The following NHSL1 variants were observed in gnomAD, a reference collection of about 807,000 sequenced individuals.
The protein encoded by NHSL1 is NHS like 1, also known as NHS-like protein 1.
NHSL1 carries 48 observed loss-of-function variants against 95.0 expected under a neutral mutation model. That is an observed-to-expected ratio of 0.51 (90% CI 0.40 to 0.64). NHSL1 has a LOEUF of 0.64. Ranked by LOEUF, NHSL1 falls within the 30% of genes least tolerant of loss-of-function variation. The pLI, the probability that NHSL1 is intolerant of heterozygous loss-of-function variation, is 0.00. For synonymous variants in NHSL1, 783 were observed against 833.9 expected, an observed-to-expected ratio of 0.94 and a Z score of 1.05; for missense variants, 1,971 against 2,077.7, an observed-to-expected ratio of 0.95 and a Z score of 1.00.
At chr6:138,544,983 C>CTTTTTT (rs35979187) in intron 1 of NHSL1, among the ~76,000 whole-genome samples, 1,861 of 83,224 alleles carry the variant, frequency 0.022, 1 homozygote, top group East Asian at 0.041. Flanking sequence ...TCTTTCTTTT[C>CTTTTTT]TTTTTTTTTT....
intron 1 of NHSL1, among the ~76,000 whole-genome samples, chr6:138,685,343 C>T (rs1785572122): frequency 6.6e-6 from 1 of 152,150 alleles, no homozygotes; most frequent in African/African-American, 2.4e-5. Context: ...AAATAACTCT[C>T]CTAGAAATCT....
At chr6:138,562,369 A>G (rs1368021165) in intron 1 of NHSL1, among the ~76,000 whole-genome samples, 4 of 152,184 alleles carry the variant, frequency 2.6e-5, no homozygotes, top group Non-Finnish European at 4.4e-5. Context: ...TAACATGGCC[A>G]GGTGTGATCG....
chr6:138,448,634 A>G (rs1022540417), intron 3 of NHSL1, among the ~76,000 whole-genome samples: 3 of 152,110 alleles, frequency 2.0e-5, no homozygotes, highest in Non-Finnish European at 4.4e-5. Context: ...TTTGTGACCT[A>G]TTTATTTCAC....
intron 1 of NHSL1, among the ~76,000 whole-genome samples, chr6:138,519,359 G>T (rs909178032): frequency 2.0e-5 from 3 of 151,934 alleles, no homozygotes; most frequent in Non-Finnish European, 4.4e-5. Flanking sequence ...AAAACAAATG[G>T]AATTTTTATG....
At chr6:138,612,720 T>C (rs1262056774) in intron 1 of NHSL1, among the ~76,000 whole-genome samples, 1 of 152,232 alleles carries the variant, frequency 6.6e-6, no homozygotes, top group African/African-American at 2.4e-5. Context: ...TCTTCCCTTT[T>C]AACTAACCTG....
chr6:138,624,562 C>T (rs1784710839), intron 1 of NHSL1, among the ~76,000 whole-genome samples: 1 of 152,108 alleles, frequency 6.6e-6, no homozygotes, highest in Non-Finnish European at 1.5e-5. Flanking sequence ...ATCATGTAAT[C>T]TCAAGGCAGA....
intron 1 of NHSL1, among the ~76,000 whole-genome samples, chr6:138,654,156 A>G (rs569845869): frequency 6.6e-6 from 1 of 152,378 alleles, no homozygotes; most frequent in African/African-American, 2.4e-5. Context: ...CACTAACTGC[A>G]TATCTAAGAG....
chr6:138,571,684 T>C, intron 1 of NHSL1: 2 of 1,547,742 alleles, frequency 1.3e-6, no homozygotes, highest in Non-Finnish European at 1.7e-6. Context: ...TTTTCAAATG[T>C]TTAAATTTTT....
At position 138,433,083 on chromosome 6, in the gene NHSL1, G is replaced by C; in HGVS notation, c.1262C>G (p.Ser421Cys). 1.9e-6 allele frequency: 3 copies of C among 1,551,152 alleles called. 1 individual carries two copies. The South Asian group carries it at 3.6e-5, about 18-fold the overall frequency. ...SIIPNATLSS[S>C]SEVIAIPTAQ... ...AGTGGGAATAGCGATGACCTCGGAAGAGGAAGACAGTGTGGCATTTGGGAT... is the reference window on the plus strand; with the variant it reads ...AGTGGGAATAGCGATGACCTCGGAACAGGAAGACAGTGTGGCATTTGGGAT... Residue 421 changes from serine (S) to cysteine (C), a missense_variant, in exon 6 of 8, where the codon TCT (serine) becomes TGT (cysteine). Ser to Cys is a moderately radical substitution (Grantham distance 112). This residue lies in a region of NHSL1 where 1,602 missense variants were observed against 1,654.5 expected (regional missense o/e 0.97). Transcript: ENST00000343505.
intron 1 of NHSL1, among the ~76,000 whole-genome samples, chr6:138,669,337 T>C (rs775797830): frequency 6.6e-6 from 1 of 151,992 alleles, no homozygotes; most frequent in Non-Finnish European, 1.5e-5. Context: ...AGAATAAAGG[T>C]TGAGCCATAA....
chr6:138,489,892 G>C lies in NHSL1; in HGVS notation c.211+6327C>G, dbSNP rs1380270551. Among the ~76,000 whole-genome samples the C allele has an allele frequency of 7.1e-4, 63 of 88,840 alleles. 1 individual carries two copies. Among genetic ancestry groups the C allele is most frequent in the African/African-American group, 2.8e-3 (59 of 21,146 alleles). 58.3% of individuals were successfully genotyped at this position (88,840 alleles called of 152,430 possible). A position where few individuals can be genotyped will look rare whatever the true frequency, so the allele number is the denominator to read the frequency against. On this transcript the variant is annotated intron_variant, in intron 2 of 7. Coordinates refer to ENST00000343505, the MANE Select transcript of NHSL1 (RefSeq NM_001144060.2). ...AGAGAGGGAGAGAGGGAGAGAGGGA[G>C]AGAGGGAGAGAGCGAGAGGGGGAGA... is the stretch of plus-strand genomic sequence containing the variant.
intron 1 of NHSL1, among the ~76,000 whole-genome samples, chr6:138,541,708 G>A (rs1008507057): frequency 2.8e-4 from 43 of 152,112 alleles, no homozygotes; most frequent in Non-Finnish European, 8.8e-5. Flanking sequence ...CCTTCTCAGC[G>A]GGATAAAAGT....
intron 1 of NHSL1, among the ~76,000 whole-genome samples, chr6:138,605,375 G>A (rs7752659): frequency 0.04 from 6,095 of 152,170 alleles, 387 homozygotes; most frequent in African/African-American, 0.14. Flanking sequence ...ACAGGCGTGC[G>A]CCAACAGGCC....
chr6:138,460,472 G>T (rs953007086), intron 3 of NHSL1, among the ~76,000 whole-genome samples: 1 of 151,936 alleles, frequency 6.6e-6, no homozygotes, highest in Non-Finnish European at 1.5e-5. Context: ...TATATATACA[G>T]ACATTTTTTG....
In NHSL1 at chr6:138,433,647, T is replaced by C; in HGVS notation, c.698A>G (p.His233Arg). ...GTAGTGATCAGGGGTGTACACTGAGTGGCCATCAGCATCATCTTGGCCAGT... is the reference window on the plus strand; with the variant it reads ...GTAGTGATCAGGGGTGTACACTGAGCGGCCATCAGCATCATCTTGGCCAGT... ...SGTGQDDADG[H>R]SVYTPDHYST... The change falls in exon 6 of 8, where the codon CAC (histidine) becomes CGC (arginine). Residue 233 changes from histidine to arginine, a missense_variant. His to Arg is a conservative substitution (Grantham distance 29). This residue lies in a region of NHSL1 where 1,602 missense variants were observed against 1,654.5 expected (regional missense o/e 0.97). Transcript: ENST00000343505. 6.5e-7 allele frequency: 1 copy of C among 1,545,994 alleles called. No individual in the cohort carries two copies. Among genetic ancestry groups the C allele is most frequent in the Non-Finnish European group, 8.8e-7 (1 of 1,142,366 alleles).
chr6:138,688,953 G>A (rs1207229692), intron 1 of NHSL1, among the ~76,000 whole-genome samples: 1 of 152,212 alleles, frequency 6.6e-6, no homozygotes, highest in South Asian at 2.1e-4. Flanking sequence ...TTTTAGTATT[G>A]TATTTTTGTA....
intron 1 of NHSL1, among the ~76,000 whole-genome samples, chr6:138,688,498 G>A (rs1411968280): frequency 6.6e-6 from 1 of 151,824 alleles, no homozygotes; most frequent in Non-Finnish European, 1.5e-5. Context: ...ACAAAAATTA[G>A]CCAGGCATGG....
intron 1 of NHSL1, among the ~76,000 whole-genome samples, chr6:138,579,481 T>G (rs946868630): frequency 1.3e-5 from 2 of 152,214 alleles, no homozygotes; most frequent in Non-Finnish European, 2.9e-5. Context: ...ACCCCATTCA[T>G]ATGGCCATAC....
intron 2 of NHSL1, among the ~76,000 whole-genome samples, chr6:138,492,726 G>A (rs2128281605): frequency 6.6e-6 from 1 of 152,232 alleles, no homozygotes; most frequent in Middle Eastern, 3.4e-3. Context: ...GAGTAGACTA[G>A]CTCCCCATAA....
Sources: gnomAD v4.1 joint callset for allele counts (sites outside exome capture counted in the v4.1 genomes callset) on GRCh38, gnomAD v4.1.1 for gene constraint, gnomAD v4.1.1 regional missense constraint, MANE v1.5 for transcripts, NCBI Gene and HGNC (gene_info 2026-07-23, HGNC 2026-07-21) for gene names.